The following SLIT1 variants were observed in gnomAD, a reference collection of about 807,000 sequenced individuals.
SLIT1 encodes slit homolog 1 protein.
A neutral mutation model predicts 186.1 loss-of-function variants in SLIT1; 66 were observed. The ratio of observed to expected loss-of-function variants is 0.35; its 90% confidence interval spans 0.29 to 0.44. The LOEUF is 0.44. Ranked by LOEUF, SLIT1 falls within the 20% of genes least tolerant of loss-of-function variation. The pLI is 1.00. For synonymous variants in SLIT1, 761 were observed against 833.8 expected, an observed-to-expected ratio of 0.91 and a Z score of 1.50; for missense variants, 1,638 against 2,037.4, an observed-to-expected ratio of 0.80 and a Z score of 3.77.
At chr10:97,035,128 C>CTCG (rs1273294894) in intron 22 of SLIT1, among the ~76,000 whole-genome samples, 1 of 85,100 alleles carries the variant, frequency 1.2e-5, no homozygotes, top group Non-Finnish European at 2.6e-5. Context: ...GATCTCTCTT[C>CTCG]TCTTCTCAAA....
intron 1 of SLIT1, among the ~76,000 whole-genome samples, chr10:97,183,560 G>A (rs1191283903): frequency 6.6e-6 from 1 of 152,142 alleles, no homozygotes; most frequent in African/African-American, 2.4e-5. Flanking sequence ...ACAGAGCTGG[G>A]GAACCAGGCA....
chr10:97,114,986 A>C (rs370782575), intron 4 of SLIT1, among the ~76,000 whole-genome samples: 126 of 152,320 alleles, frequency 8.3e-4, no homozygotes, highest in African/African-American at 2.9e-3. Flanking sequence ...GATTCCTGCC[A>C]TTACCCATGA....
intron 1 of SLIT1, 27 bp downstream of exon 1, chr10:97,185,451 G>A: frequency 6.2e-7 from 1 of 1,604,244 alleles, no homozygotes; most frequent in Non-Finnish European, 8.5e-7. Context: ...TCGGAGCCAG[G>A]GAGCCAGGGG....
chr10:97,107,533 T>A (rs1464918908), intron 4 of SLIT1, among the ~76,000 whole-genome samples: 1 of 152,206 alleles, frequency 6.6e-6, no homozygotes, highest in South Asian at 2.1e-4. Context: ...ATGGACCAAT[T>A]CCTGTTCTCA....
At chr10:97,058,671 A>G (rs980829706) in intron 11 of SLIT1, among the ~76,000 whole-genome samples, 44 of 152,120 alleles carry the variant, frequency 2.9e-4, no homozygotes, top group African/African-American at 1.0e-3. Flanking sequence ...TCCCCGGGGG[A>G]GTTCTATTCC....
intron 4 of SLIT1, among the ~76,000 whole-genome samples, chr10:97,131,022 G>A (rs1849648982): frequency 6.6e-6 from 1 of 152,184 alleles, no homozygotes; most frequent in African/African-American, 2.4e-5. Flanking sequence ...TGAAACTGTG[G>A]TGGCCAGGAC....
chr10:97,182,250 G>C (rs1037471747), intron 1 of SLIT1, among the ~76,000 whole-genome samples: 1 of 152,160 alleles, frequency 6.6e-6, no homozygotes, highest in African/African-American at 2.4e-5. Context: ...CCATTTCGGG[G>C]GACAGGCCTG....
chr10:97,076,077 G>C (rs1312265594), intron 4 of SLIT1, among the ~76,000 whole-genome samples: 3 of 152,296 alleles, frequency 2.0e-5, no homozygotes, highest in Admixed American at 6.5e-5. Flanking sequence ...CAGGGCTGGT[G>C]GGGGGCAGGG....
chr10:97,059,054 ACTGGAG>A lies in SLIT1; in HGVS notation c.1085+400_1085+405del, dbSNP rs757844538. On this transcript the variant is annotated intron_variant, in intron 11 of 36. Transcript: ENST00000266058. ...ATAGCAAGTTGTGGCAGATGTCACA[ACTGGAG>A]CTGGTGCTCACTGGCCCTGCGGTGA... 1.8e-4 allele frequency among the ~76,000 whole-genome samples: 28 copies of A among 152,332 alleles called. 1 individual carries two copies. The highest frequency in any genetic ancestry group is 3.3e-4 in the Admixed American group (5 of 15,306).
intron 4 of SLIT1, among the ~76,000 whole-genome samples, chr10:97,071,018 C>T (rs1312029115): frequency 6.6e-6 from 1 of 152,120 alleles, no homozygotes; most frequent in Non-Finnish European, 1.5e-5. Context: ...TTTTGTTGCT[C>T]AGGCTGGTCT....
rs771223695 is a variant in SLIT1 at position 97,026,829 on chromosome 10, ATCATTACAGCATGTGTGAACCATGTGAG to A, written c.2582+3900_2582+3927del. ...TCCAGCACAGTAAAGAGTGCTCACA[ATCATTACAGCATGTGTGAACCATGTGAG>A]ACCTTAGAAATCATCTTCGTGTAGG... On this transcript the variant is annotated intron_variant, in intron 25 of 36. Transcript: ENST00000266058. 1.3e-3 allele frequency among the ~76,000 whole-genome samples: 201 copies of A among 152,348 alleles called. 1 individual carries two copies. Among genetic ancestry groups the A allele is most frequent in the Non-Finnish European group, 2.1e-3 (143 of 68,028 alleles).
chr10:97,161,245 G>T (rs1850022300), intron 3 of SLIT1, among the ~76,000 whole-genome samples: 3 of 152,104 alleles, frequency 2.0e-5, no homozygotes, highest in Admixed American at 1.3e-4. Context: ...GCCAGGTTGG[G>T]TCAGGTTCAA....
chr10:97,099,549 C>T (rs1175051331), intron 4 of SLIT1, among the ~76,000 whole-genome samples: 1 of 152,238 alleles, frequency 6.6e-6, no homozygotes, highest in Non-Finnish European at 1.5e-5. Flanking sequence ...CTGGCTGCTG[C>T]TGGCTCACCT....
intron 4 of SLIT1, among the ~76,000 whole-genome samples, chr10:97,067,234 G>A (rs1178044096): frequency 6.6e-6 from 1 of 152,198 alleles, no homozygotes; most frequent in Admixed American, 6.5e-5. Context: ...AGGGGGCGCT[G>A]TCAGGACTGC....
At chr10:97,072,091 C>T (rs1469121653) in intron 4 of SLIT1, among the ~76,000 whole-genome samples, 1 of 152,158 alleles carries the variant, frequency 6.6e-6, no homozygotes, top group East Asian at 1.9e-4. Context: ...CTGGGAGAAG[C>T]CTCACACAGG....
At chr10:97,136,280 G>A (rs377007366) in intron 4 of SLIT1, among the ~76,000 whole-genome samples, 1 of 152,044 alleles carries the variant, frequency 6.6e-6, no homozygotes, top group Non-Finnish European at 1.5e-5. Flanking sequence ...GGGAATCTCC[G>A]TACCTTCCGT....
intron 4 of SLIT1, among the ~76,000 whole-genome samples, chr10:97,094,415 A>G (rs981488760): frequency 1.3e-5 from 2 of 152,236 alleles, no homozygotes; most frequent in Admixed American, 6.5e-5. Flanking sequence ...GAACACAGTG[A>G]CCCTGCATAG....
intron 11 of SLIT1, among the ~76,000 whole-genome samples, chr10:97,058,812 C>T (rs1447613972): frequency 6.6e-6 from 1 of 152,232 alleles, no homozygotes; most frequent in Non-Finnish European, 1.5e-5. Context: ...CCAGGGCACC[C>T]TGAGTGTGCT....
rs1337982068 is a variant in SLIT1 at position 97,040,004 on chromosome 10, T to G, written c.2281A>C (p.Lys761Gln). 6.2e-7 allele frequency: 1 copy of G among 1,613,738 alleles called. No homozygotes were observed. Among genetic ancestry groups the G allele is most frequent in the East Asian group, 2.2e-5 (1 of 44,814 alleles). Residue 761 changes from lysine (K) to glutamine (Q), a missense_variant, in exon 21 of 37, where the codon AAG (lysine) becomes CAG (glutamine). Coordinates refer to ENST00000266058, the MANE Select transcript of SLIT1 (RefSeq NM_003061.3). ...GCTACTCACAGTTCTGTGACATTCTTGGGAATGCCCTTGGGCAGGGCCCGC... is the reference window on the plus strand; with the variant it reads ...GCTACTCACAGTTCTGTGACATTCTGGGGAATGCCCTTGGGCAGGGCCCGC... Reference protein sequence around the residue: ...HLRALPKGIPKNVTELYLDGN... With the variant: ...HLRALPKGIPQNVTELYLDGN...
Sources: allele counts gnomAD v4.1 joint callset (sites outside exome capture counted in the v4.1 genomes callset), GRCh38; gene constraint gnomAD v4.1.1; transcripts MANE v1.5; gene names NCBI Gene and HGNC (gene_info 2026-07-23, HGNC 2026-07-21).